The following EIF2A variants were observed in gnomAD, a reference collection of about 807,000 sequenced individuals.
EIF2A encodes the protein 65 kDa eukaryotic translation initiation factor 2A.
A neutral mutation model predicts 75.2 loss-of-function variants in EIF2A; 62 were observed. That is an observed-to-expected ratio of 0.82 (90% CI 0.67 to 1.02). EIF2A has a LOEUF of 1.02. Ranked by LOEUF, EIF2A falls within the 50% of genes least tolerant of loss-of-function variation. The pLI is 0.00. For missense variants in EIF2A, 611 were observed against 677.7 expected (o/e 0.90, Z 1.09); for synonymous variants, 207 against 239.0 (o/e 0.87, Z 1.23).
intron 2 of EIF2A, among the ~76,000 whole-genome samples, chr3:150,555,301 G>C (rs751883181): frequency 1.3e-5 from 2 of 151,812 alleles, no homozygotes; most frequent in Non-Finnish European, 2.9e-5. Context: ...TTGTTGCCCA[G>C]GCTGGAGTGC....
chr3:150,549,902 C>A (rs1443922576), intron 1 of EIF2A, among the ~76,000 whole-genome samples: 2 of 152,154 alleles, frequency 1.3e-5, no homozygotes, highest in Non-Finnish European at 2.9e-5. Context: ...TTTTCCTAAA[C>A]TAATACATAG....
chr3:150,582,306 TTTTAA>T (rs201930180), intron 12 of EIF2A, among the ~76,000 whole-genome samples: 2,141 of 146,208 alleles, frequency 0.015, 51 homozygotes, highest in African/African-American at 0.05. Flanking sequence ...ACTGAACACT[TTTTAA>T]TTTAATTTAA....
intron 1 of EIF2A, among the ~76,000 whole-genome samples, chr3:150,550,611 C>T (rs1043947318): frequency 3.9e-5 from 6 of 152,150 alleles, no homozygotes; most frequent in African/African-American, 1.4e-4. Flanking sequence ...CTTTGGAAGG[C>T]TGAGGGAAGC....
chr3:150,566,238 T>A (rs150192279), intron 6 of EIF2A: 1 of 152,234 alleles, frequency 6.6e-6, no homozygotes, highest in Non-Finnish European at 1.5e-5. Context: ...GTAAGACAAG[T>A]CATTCTAGGA....
At chr3:150,554,543 T>TTCCAAATG (rs1305185589) in intron 2 of EIF2A, among the ~76,000 whole-genome samples, 5 of 152,066 alleles carry the variant, frequency 3.3e-5, no homozygotes, top group African/African-American at 1.2e-4. Context: ...GCAGCTCTCT[T>TTCCAAATG]TCCAAATGTT....
intron 6 of EIF2A, chr3:150,565,101 T>C (rs1347878590): frequency 2.3e-6 from 1 of 442,188 alleles, no homozygotes; most frequent in Non-Finnish European, 4.5e-6. Context: ...ACAAGGTTAT[T>C]TGTCTTTCAC....
At chr3:150,580,154 C>T (rs949047841) in intron 11 of EIF2A, among the ~76,000 whole-genome samples, 2 of 151,968 alleles carry the variant, frequency 1.3e-5, no homozygotes, top group Non-Finnish European at 2.9e-5. Context: ...GGGAAAGGTG[C>T]GACTATCCAG....
rs757469746 is a variant in EIF2A at position 150,572,571 on chromosome 3, T to G, written c.1383+42T>G. On this transcript the variant is annotated intron_variant, in intron 10 of 13. Coordinates refer to ENST00000460851, the MANE Select transcript of EIF2A (RefSeq NM_032025.5). ...TACTTTTATAGAAAAAAGTTTATTTTGGGCCAGGAGTGGTGGTTCACATCC... is the reference window on the plus strand; with the variant it reads ...TACTTTTATAGAAAAAAGTTTATTTGGGGCCAGGAGTGGTGGTTCACATCC... 3 of 1,546,180 alleles carry G rather than the reference T, an allele frequency of 1.9e-6. No individual in the cohort carries two copies. In the African/African-American group the frequency reaches 4.1e-5, roughly 21 times the overall value.
rs900430084 is a variant in EIF2A, at chr3:150,568,165, T to C, written c.695-11T>C. 7 of 1,607,578 alleles carry C rather than the reference T, an allele frequency of 4.4e-6. No individual in the cohort carries two copies. The African/African-American group carries it at 6.7e-5, about 15-fold the overall frequency. On this transcript the variant is annotated splice_polypyrimidine_tract_variant and intron_variant, in intron 8 of 13. Transcript: ENST00000460851. Reference sequence around the variant, plus strand: ...GTGTTTTAAATCTAATTAAAGTTTTTACTGTTATAGCTACTGCTGTGTTGG... The same window carrying C: ...GTGTTTTAAATCTAATTAAAGTTTTCACTGTTATAGCTACTGCTGTGTTGG...
At chr3:150,569,220 G>A (rs1219136629) in intron 9 of EIF2A, among the ~76,000 whole-genome samples, 2 of 152,044 alleles carry the variant, frequency 1.3e-5, no homozygotes, top group Admixed American at 6.5e-5. Context: ...TGTAGATGAA[G>A]TCACACTATA....
intron 3 of EIF2A, among the ~76,000 whole-genome samples, chr3:150,561,125 T>TA (rs200836114): frequency 8.2e-4 from 125 of 152,226 alleles, no homozygotes; most frequent in African/African-American, 2.8e-3. Context: ...TCTATTTATT[T>TA]AAAAAAAATT....
intron 4 of EIF2A, 81 bp downstream of exon 4, chr3:150,562,741 C>A (rs895381846): frequency 6.8e-6 from 7 of 1,028,706 alleles, no homozygotes; most frequent in African/African-American, 1.6e-5. Context: ...AAGTTTATAA[C>A]CTCATAAGAA....
intron 9 of EIF2A, among the ~76,000 whole-genome samples, chr3:150,571,700 A>G (rs779696885): frequency 3.3e-5 from 5 of 152,234 alleles, no homozygotes; most frequent in African/African-American, 1.2e-4. Context: ...AAATTTATTA[A>G]TAGTAACAAA....
chr3:150,549,320 G>A (rs551838352), intron 1 of EIF2A, among the ~76,000 whole-genome samples: 1 of 151,600 alleles, frequency 6.6e-6, no homozygotes, highest in African/African-American at 2.4e-5. Flanking sequence ...CCAAGTGCAA[G>A]CAATTCTTCT....
chr3:150,551,106 A>G (rs1463758059), intron 1 of EIF2A, among the ~76,000 whole-genome samples: 2 of 152,038 alleles, frequency 1.3e-5, no homozygotes, highest in African/African-American at 2.4e-5. Context: ...GATCCTTTAC[A>G]TCTCAGTATA....
chr3:150,555,608 G>T (rs1017354651), intron 2 of EIF2A, among the ~76,000 whole-genome samples: 98 of 151,908 alleles, frequency 6.5e-4, no homozygotes, highest in African/African-American at 2.3e-3. Context: ...ACCCAGTCTG[G>T]CTGGGCGCGG....
chr3:150,572,127 T>C lies in EIF2A; in HGVS notation c.981T>C (p.His327=). The C allele has an allele frequency of 6.2e-7, 1 of 1,613,966 alleles. No homozygotes were observed. The highest frequency in any genetic ancestry group is 1.1e-5 in the South Asian group (1 of 91,086). The change falls in exon 10 of 14, where the codon CAT becomes CAC. Residue 327 remains histidine, a synonymous_variant. Transcript: ENST00000460851. The stretch of plus-strand genomic sequence containing the variant: ...CAGCCTACTATAGCCCTCATGGACA[T>C]ATATTAGTATTAGCTGGATTTGGAA... The part of the protein sequence containing the change: ...RNAAYYSPHG[H]ILVLAGFGNL...
chr3:150,555,064 A>C (rs1576588754), intron 2 of EIF2A, among the ~76,000 whole-genome samples: 1 of 151,998 alleles, frequency 6.6e-6, no homozygotes, highest in South Asian at 2.1e-4. Context: ...AGTAGCTGGG[A>C]CTATAGGCGC....
chr3:150,567,622 A>G (rs1043484448), intron 6 of EIF2A, 71 bp from the exon 7 acceptor site: 1 of 1,025,612 alleles, frequency 9.8e-7, no homozygotes, highest in African/African-American at 1.6e-5. Flanking sequence ...ATCTTTGATA[A>G]TGTATTCAGA....
Sources: allele counts gnomAD v4.1 joint callset (sites outside exome capture counted in the v4.1 genomes callset), GRCh38; gene constraint gnomAD v4.1.1; transcripts MANE v1.5; gene names NCBI Gene and HGNC (gene_info 2026-07-23, HGNC 2026-07-21).